The following TMEM68 variants were observed in gnomAD, a reference collection of about 807,000 sequenced individuals.
The protein encoded by TMEM68 is transmembrane protein 68, also known as DGAT1/2-independent enzyme synthesizing storage lipids.
A neutral mutation model predicts 36.9 loss-of-function variants in TMEM68; 25 were observed. The observed-to-expected ratio is 0.68, with a 90% CI of 0.49 to 0.95. The LOEUF is 0.95. Among genes scored for constraint, TMEM68 ranks in the 40% least tolerant of loss-of-function variants. The probability of loss-of-function intolerance (pLI) is 0.00; values close to 1 mark genes in which losing one functional copy is unlikely to be tolerated. For synonymous variants in TMEM68, 131 were observed against 124.4 expected (o/e 1.05, Z -0.35); for missense variants, 333 against 392.0 (o/e 0.85, Z 1.27).
intron 3 of TMEM68, 70 bp from the exon 4 acceptor site, chr8:55,756,481 T>C: frequency 7.3e-7 from 1 of 1,370,674 alleles, no homozygotes; most frequent in Non-Finnish European, 9.7e-7. Flanking sequence ...GGATGGTTGG[T>C]AGCTCAGTCT....
At chr8:55,763,717 C>CCTGTTTTTATCTTAAATCTT (rs1810877868) in intron 2 of TMEM68, 1 of 47,006 alleles carries the variant, frequency 2.1e-5, no homozygotes, top group Non-Finnish European at 5.6e-5. Context: ...CAAAAGAAAA[C>CCTGTTTTTATCTTAAATCTT]ATCAATATCT....
chr8:55,766,746 C>T (rs945860359), intron 1 of TMEM68, among the ~76,000 whole-genome samples: 2 of 152,086 alleles, frequency 1.3e-5, no homozygotes, highest in African/African-American at 4.8e-5. Flanking sequence ...GTGAGGTTGC[C>T]TGGCTTGGGT....
intron 7 of TMEM68, 64 bp from the exon 8 acceptor site, chr8:55,740,282 A>G: frequency 8.5e-7 from 1 of 1,178,540 alleles, no homozygotes; most frequent in Non-Finnish European, 1.2e-6. Flanking sequence ...TTTATCTCCC[A>G]TTACCCCTCA....
intron 3 of TMEM68, 81 bp downstream of exon 3, chr8:55,762,554 A>C: frequency 1.3e-6 from 2 of 1,589,986 alleles, no homozygotes; most frequent in Non-Finnish European, 1.7e-6. Flanking sequence ...GTATCTTCTC[A>C]ATCAATAAAA....
chr8:55,764,400 T>A (rs1173471770), intron 1 of TMEM68, among the ~76,000 whole-genome samples: 1 of 152,230 alleles, frequency 6.6e-6, no homozygotes, highest in Non-Finnish European at 1.5e-5. Context: ...ATTTCCTTTC[T>A]CCATACTTTG....
chr8:55,759,486 G>A (rs1016332234), intron 3 of TMEM68, among the ~76,000 whole-genome samples: 96 of 152,046 alleles, frequency 6.3e-4, no homozygotes, highest in Middle Eastern at 3.4e-3. Context: ...CAGGAGAATC[G>A]CTCGAACTTG....
chr8:55,766,350 C>T (rs1271142190), intron 1 of TMEM68, among the ~76,000 whole-genome samples: 1 of 148,238 alleles, frequency 6.7e-6, no homozygotes, highest in Admixed American at 6.7e-5. Context: ...AGAGAGGCAA[C>T]ACTGTAGAGC....
intron 7 of TMEM68, among the ~76,000 whole-genome samples, chr8:55,742,203 C>T (rs1409925857): frequency 6.6e-6 from 1 of 152,090 alleles, no homozygotes; most frequent in African/African-American, 2.4e-5. Context: ...TGGTCAAAGT[C>T]TTAGAAAAGT....
At chr8:55,756,127 C>G (rs1196069570) in intron 4 of TMEM68, 117 bp downstream of exon 4, 1 of 751,974 alleles carries the variant, frequency 1.3e-6, no homozygotes, top group Non-Finnish European at 2.0e-6. Flanking sequence ...GTTATACACA[C>G]CCTAAAAGGC....
intron 1 of TMEM68, among the ~76,000 whole-genome samples, chr8:55,768,231 T>G (rs2130039030): frequency 6.6e-6 from 1 of 151,600 alleles, no homozygotes; most frequent in East Asian, 1.9e-4. Context: ...TTTTGTATAG[T>G]AGGAAACAAA....
intron 3 of TMEM68, among the ~76,000 whole-genome samples, chr8:55,757,446 T>C (rs1271340859): frequency 6.6e-6 from 1 of 152,170 alleles, no homozygotes; most frequent in Non-Finnish European, 1.5e-5. Flanking sequence ...GACCTCAGTG[T>C]GTGCTCACAA....
intron 4 of TMEM68, among the ~76,000 whole-genome samples, chr8:55,755,631 TGA>T (rs146322452): frequency 0.01 from 1,559 of 151,874 alleles, 30 homozygotes; most frequent in African/African-American, 0.034. Context: ...GCTATCAAAC[TGA>T]GAGTTATCAA....
chr8:55,749,640 T>A (rs1810376673), intron 5 of TMEM68, among the ~76,000 whole-genome samples: 1 of 152,098 alleles, frequency 6.6e-6, no homozygotes, highest in Non-Finnish European at 1.5e-5. Context: ...AATGACCAGA[T>A]CCCTTCCATC....
In TMEM68 at chr8:55,756,329, A is replaced by T. The variant is rs751868182; in HGVS notation, c.408T>A (p.Asp136Glu). ...ATATTTTAGCCATGAAATAGTAAAA[A>T]TCTATAGGAATAGCTCCATGATAAA... ...IIFYHGAIPI[D>E]FYYFMAKIFI... Residue 136 changes from aspartate to glutamate, a missense_variant, in exon 4 of 8, where the codon GAT (aspartate) becomes GAA (glutamate). Coordinates refer to ENST00000434581, the MANE Select transcript of TMEM68 (RefSeq NM_001286657.2). 6.2e-7 allele frequency: 1 copy of T among 1,605,670 alleles called. No individual in the cohort carries two copies. Among genetic ancestry groups the T allele is most frequent in the Non-Finnish European group, 8.5e-7 (1 of 1,177,206 alleles).
chr8:55,752,958 T>A (rs1174923317), intron 4 of TMEM68, among the ~76,000 whole-genome samples: 2 of 152,060 alleles, frequency 1.3e-5, no homozygotes, highest in Non-Finnish European at 2.9e-5. Context: ...TTCAATCTTC[T>A]GAGCTCCAGC....
intron 1 of TMEM68, among the ~76,000 whole-genome samples, chr8:55,769,089 C>T (rs1811070834): frequency 2.0e-5 from 3 of 148,456 alleles, no homozygotes; most frequent in Non-Finnish European, 3.0e-5. Flanking sequence ...CTTTGGGAGG[C>T]CAAGGCGGGT....
rs548324457 is a variant in TMEM68 at position 55,754,072 on chromosome 8, A to G, written c.493+2172T>C. ...GCACCATTGCACTCCAGCCTGGACAACAAGAGCGAGATTCCTTCTCAAAAT... is the reference window on the plus strand; with the variant it reads ...GCACCATTGCACTCCAGCCTGGACAGCAAGAGCGAGATTCCTTCTCAAAAT... On this transcript the variant is annotated intron_variant, in intron 4 of 7. Transcript: ENST00000434581. Among the ~76,000 whole-genome samples, 13 of 152,122 alleles carry G rather than the reference A, an allele frequency of 8.5e-5. No homozygotes were observed. In the South Asian group the frequency reaches 2.5e-3, roughly 29 times the overall value.
Position 55,762,703 on chromosome 8 carries a change from T to C in TMEM68, c.257A>G (p.His86Arg). 6.2e-7 allele frequency: 1 copy of C among 1,614,202 alleles called. No individual in the cohort carries two copies. Residue 86 changes from histidine (H) to arginine (R), a missense_variant, in exon 3 of 8, where the codon CAT (histidine) becomes CGT (arginine). His to Arg is a conservative substitution (Grantham distance 29). Transcript: ENST00000434581. ...RKNVLKEAYS[H>R]NLWDGARKTV... ...TTTCCTTGCACCATCCCATAAATTA[T>C]GAGAGTAGGCTTCTTTCAATACATT...
chr8:55,771,570 T>C (rs1811168698), intron 1 of TMEM68, among the ~76,000 whole-genome samples: 1 of 152,082 alleles, frequency 6.6e-6, no homozygotes, highest in Non-Finnish European at 1.5e-5. Flanking sequence ...TGAGCCGCGA[T>C]CGCGCCACTA....
Sources: gnomAD v4.1 joint callset for allele counts (sites outside exome capture counted in the v4.1 genomes callset) on GRCh38, gnomAD v4.1.1 for gene constraint, MANE v1.5 for transcripts, NCBI Gene and HGNC (gene_info 2026-07-23, HGNC 2026-07-21) for gene names.